The following RANBP17 variants were observed in gnomAD, a reference collection of about 807,000 sequenced individuals.
RANBP17 encodes the protein ran-binding protein 17.
Under a neutral mutation model 141.2 loss-of-function variants are expected in RANBP17, and 158 were observed. The observed-to-expected ratio is 1.12, with a 90% CI of 0.98 to 1.28. RANBP17 has a LOEUF of 1.28. RANBP17 is among the 50% of genes most tolerant of loss of function. The pLI is 0.00. For synonymous variants in RANBP17, 430 were observed against 450.0 expected (o/e 0.96, Z 0.56); for missense variants, 1,438 against 1,290.7 (o/e 1.11, Z -1.75).
chr5:171,223,619 G>A (rs1278342945), intron 22 of RANBP17, among the ~76,000 whole-genome samples: 1 of 152,124 alleles, frequency 6.6e-6, no homozygotes, highest in African/African-American at 2.4e-5. Context: ...TGGGCAACAA[G>A]AGTGAAACTC....
intron 9 of RANBP17, among the ~76,000 whole-genome samples, chr5:170,917,391 C>G (rs537266960): frequency 6.6e-6 from 1 of 152,110 alleles, no homozygotes; most frequent in Non-Finnish European, 1.5e-5. Flanking sequence ...CAGAGAATTG[C>G]AAAGCTGCTA....
chr5:171,217,449 CT>C (rs1486710488), intron 21 of RANBP17, among the ~76,000 whole-genome samples: 1 of 152,110 alleles, frequency 6.6e-6, no homozygotes, highest in African/African-American at 2.4e-5. Context: ...AGGGGTCTGT[CT>C]TTTTCTATTG....
chr5:171,221,850 C>A lies in RANBP17; in HGVS notation c.2422+10C>A. On this transcript the variant is annotated intron_variant, in intron 22 of 27. Transcript: ENST00000523189. ...ATGGTTTGCACTTATGGTGAGTGTC[C>A]TTTTCCATATGTGCCTCTGCAATAT... 6.8e-7 allele frequency: 1 copy of A among 1,477,108 alleles called. No homozygotes were observed. The highest frequency in any genetic ancestry group is 9.5e-7 in the Non-Finnish European group (1 of 1,058,078). 91.5% of individuals were successfully genotyped at this position (1,477,108 alleles called of 1,614,324 possible).
chr5:171,252,047 G>A (rs1307556714), intron 24 of RANBP17: 3 of 1,605,032 alleles, frequency 1.9e-6, no homozygotes, highest in Admixed American at 3.3e-5. Flanking sequence ...AAAAAGGAGA[G>A]CCTTCTTACA....
intron 14 of RANBP17, among the ~76,000 whole-genome samples, chr5:171,017,870 G>A (rs990911241): frequency 6.6e-6 from 1 of 151,862 alleles, no homozygotes; most frequent in Non-Finnish European, 1.5e-5. Context: ...TTTCTTCTAG[G>A]GGTTTTATGG....
intron 14 of RANBP17, among the ~76,000 whole-genome samples, chr5:171,010,035 A>G (rs1399032118): frequency 1.6e-4 from 24 of 152,162 alleles, no homozygotes; most frequent in Non-Finnish European, 8.8e-5. Context: ...ATTTAGGGCA[A>G]TGAAAGCAGG....
At position 171,204,720 on chromosome 5, in the gene RANBP17, CTTCTA is replaced by C. The variant is rs1387646215; in HGVS notation, c.2143-800_2143-796del. On this transcript the variant is annotated intron_variant, in intron 19 of 27. Coordinates refer to ENST00000523189, the MANE Select transcript of RANBP17 (RefSeq NM_022897.5). The stretch of plus-strand genomic sequence containing the variant: ...AGAGTCCAGAGTACAAGTCAGATCT[CTTCTA>C]TTCAAGAGTCAAGTTTTTGTTTTTT... 3.3e-5 allele frequency among the ~76,000 whole-genome samples: 5 copies of C among 152,262 alleles called. No homozygotes were observed. In the East Asian group the frequency reaches 9.7e-4, roughly 29 times the overall value.
At chr5:171,137,447 A>C (rs1441030197) in intron 14 of RANBP17, among the ~76,000 whole-genome samples, 1 of 152,162 alleles carries the variant, frequency 6.6e-6, no homozygotes, top group Non-Finnish European at 1.5e-5. Context: ...AAACTTGGAC[A>C]ATACTTTTGC....
At chr5:171,170,249 A>T in intron 15 of RANBP17, 46 bp downstream of exon 15, 1 of 1,004,948 alleles carries the variant, frequency 1.0e-6, no homozygotes, top group East Asian at 2.6e-5. Context: ...TTGTTGTTTT[A>T]AATGTAATAG....
rs755052003 is a variant in RANBP17, at chr5:171,242,695, T to C, written c.2651T>C (p.Leu884Pro). 13 of 1,613,608 alleles carry C rather than the reference T, an allele frequency of 8.1e-6. No individual in the cohort carries two copies. Among genetic ancestry groups the C allele is most frequent in the African/African-American group, 1.3e-5 (1 of 74,934 alleles). Residue 884 changes from leucine (L) to proline (P), a missense_variant, in exon 24 of 28, where the codon CTG becomes CCG. Leu to Pro is a moderately conservative substitution (Grantham distance 98). Coordinates refer to ENST00000523189, the MANE Select transcript of RANBP17 (RefSeq NM_022897.5). ...TCTGTGTTGTAGCAATACCGGAAAC[T>C]GAGCCAGTCTTATTATCCACTCCTG... ...SHSDLLQYRK[L>P]SQSYYPLLEC...
At chr5:171,117,646 A>T (rs1472255259) in intron 14 of RANBP17, among the ~76,000 whole-genome samples, 1 of 152,010 alleles carries the variant, frequency 6.6e-6, no homozygotes, top group Non-Finnish European at 1.5e-5. Context: ...GATGCACGCC[A>T]TGACGTCCAG....
chr5:171,069,940 C>A (rs192446642), intron 14 of RANBP17, among the ~76,000 whole-genome samples: 1 of 152,254 alleles, frequency 6.6e-6, no homozygotes, highest in African/African-American at 2.4e-5. Flanking sequence ...TCTGCCAAAC[C>A]TGCATCTGCT....
intron 12 of RANBP17, among the ~76,000 whole-genome samples, chr5:170,948,299 A>G (rs1774927260): frequency 1.3e-5 from 2 of 152,196 alleles, no homozygotes; most frequent in African/African-American, 2.4e-5. Flanking sequence ...AGGATAGATA[A>G]TATGTGAAGG....
At chr5:170,899,152 G>A (rs1770400822) in intron 5 of RANBP17, among the ~76,000 whole-genome samples, 1 of 152,170 alleles carries the variant, frequency 6.6e-6, no homozygotes, top group South Asian at 2.1e-4. Context: ...CTATCCATGA[G>A]CATGGAATGT....
intron 12 of RANBP17, among the ~76,000 whole-genome samples, chr5:170,937,408 A>G (rs1011769650): frequency 2.0e-5 from 3 of 152,284 alleles, no homozygotes; most frequent in East Asian, 1.9e-4. Context: ...GGCCTGTCCT[A>G]GGCTTTTTCC....
intron 18 of RANBP17, among the ~76,000 whole-genome samples, chr5:171,193,251 A>G (rs1304436285): frequency 6.6e-6 from 1 of 152,250 alleles, no homozygotes; most frequent in East Asian, 1.9e-4. Context: ...TGCATCCTAC[A>G]GAAATAAATT....
chr5:171,291,569 T>G (rs1163894194), intron 25 of RANBP17, among the ~76,000 whole-genome samples: 1 of 152,138 alleles, frequency 6.6e-6, no homozygotes, highest in Non-Finnish European at 1.5e-5. Context: ...ATTCCTGTAT[T>G]TGTGTCGTTA....
intron 14 of RANBP17, among the ~76,000 whole-genome samples, chr5:171,086,269 T>C (rs1785645350): frequency 2.1e-5 from 3 of 143,318 alleles, no homozygotes; most frequent in African/African-American, 7.7e-5. Context: ...ATTACATTTA[T>C]TGATTTGCGT....
intron 12 of RANBP17, among the ~76,000 whole-genome samples, chr5:170,948,107 C>G (rs1000133249): frequency 1.3e-5 from 2 of 152,102 alleles, no homozygotes; most frequent in Non-Finnish European, 1.5e-5. Context: ...TAAGACTGGT[C>G]AGCATAGTTG....
Sources: gnomAD v4.1 joint callset for allele counts (sites outside exome capture counted in the v4.1 genomes callset) on GRCh38, gnomAD v4.1.1 for gene constraint, MANE v1.5 for transcripts, NCBI Gene and HGNC (gene_info 2026-07-23, HGNC 2026-07-21) for gene names.